Variants in CA2 observed in about 807,000 individuals in gnomAD.
CA2 encodes carbonate dehydratase II.
In CA2, 23 loss-of-function variants were observed where a neutral mutation model predicts 27.8. That is an observed-to-expected ratio of 0.83 (90% CI 0.59 to 1.17). The LOEUF (loss-of-function observed/expected upper bound fraction) is 1.17, where lower values mean the gene tolerates loss of function less well. Ranked by LOEUF, CA2 falls within the 50% of genes most tolerant of loss-of-function variation. The probability of loss-of-function intolerance (pLI) is 0.00; values close to 1 mark genes in which losing one functional copy is unlikely to be tolerated. For synonymous variants in CA2, 99 were observed against 114.9 expected, an observed-to-expected ratio of 0.86 and a Z score of 0.88; for missense variants, 300 against 314.7, an observed-to-expected ratio of 0.95 and a Z score of 0.35.
Position 85,480,903 on chromosome 8 carries a change from C to A in CA2, c.*114C>A. On this transcript the variant is annotated 3_prime_UTR_variant, in exon 7 of 7. Transcript: ENST00000285379. ...GTTGCTTTGTGTCTAGTTTTCTAGA[C>A]CCTTCATCTCTTACTTGATAGACTT... The A allele has an allele frequency of 1.9e-6, 2 of 1,040,882 alleles. No homozygotes were observed. Among genetic ancestry groups the A allele is most frequent in the Non-Finnish European group, 1.5e-6 (1 of 680,516 alleles). The allele number at this position is 1,040,882 out of a possible 1,614,324, so 64.5% of individuals were successfully genotyped here.
chr8:85,471,990 T>A (rs1223629823), intron 2 of CA2, among the ~76,000 whole-genome samples: 2 of 152,192 alleles, frequency 1.3e-5, no homozygotes, highest in Non-Finnish European at 2.9e-5. Context: ...TCTTTCTGTT[T>A]TCATTCTTCC....
rs544559335 is a variant in CA2, at chr8:85,473,958, C to A, written c.351+147C>A. ...GGACCTTCACATTTGCTTTTTATAA[C>A]CTTTAATTGTGACATCATACTTAAC... On this transcript the variant is annotated intron_variant, in intron 3 of 6. Coordinates refer to ENST00000285379, the MANE Select transcript of CA2 (RefSeq NM_000067.3). The A allele has an allele frequency of 4.6e-5, 31 of 670,960 alleles. No individual in the cohort carries two copies. In the East Asian group the frequency reaches 7.3e-4, roughly 16 times the overall value. The allele number at this position is 670,960 out of a possible 1,614,324, so 41.6% of individuals were successfully genotyped here. A position where few individuals can be genotyped will look rare whatever the true frequency, so the allele number is the denominator to read the frequency against.
At chr8:85,479,110 T>G (rs1431409378) in intron 6 of CA2, among the ~76,000 whole-genome samples, 1 of 151,896 alleles carries the variant, frequency 6.6e-6, no homozygotes, top group East Asian at 1.9e-4. Flanking sequence ...TGAGGAAGTA[T>G]GGGGGGGCGT....
chr8:85,472,712 C>T (rs1257127499), intron 2 of CA2, among the ~76,000 whole-genome samples: 3 of 151,938 alleles, frequency 2.0e-5, no homozygotes, highest in East Asian at 3.9e-4. Context: ...AATTTTCGGC[C>T]GGGCACGGTG....
chr8:85,470,100 A>T (rs1811692890), intron 2 of CA2, among the ~76,000 whole-genome samples: 1 of 152,158 alleles, frequency 6.6e-6, no homozygotes, highest in East Asian at 1.9e-4. Context: ...TCACATCAAA[A>T]CAGCTTCTTT....
At chr8:85,469,275 A>G (rs965136927) in intron 2 of CA2, among the ~76,000 whole-genome samples, 7 of 152,110 alleles carry the variant, frequency 4.6e-5, no homozygotes, top group Non-Finnish European at 8.8e-5. Context: ...CTTTGCCTCA[A>G]TGAGATTTCA....
At chr8:85,471,132 A>T (rs1351329878) in intron 2 of CA2, among the ~76,000 whole-genome samples, 2 of 152,152 alleles carry the variant, frequency 1.3e-5, no homozygotes, top group Non-Finnish European at 2.9e-5. Context: ...TCAAATAAAA[A>T]GTTTGAGTTT....
rs1381753869 is a variant in CA2, at chr8:85,464,124, C to G, written c.34+9C>G. 2.0e-6 allele frequency: 3 copies of G among 1,538,016 alleles called. No homozygotes were observed. Among genetic ancestry groups the G allele is most frequent in the South Asian group, 1.2e-5 (1 of 83,052 alleles). ...GTACGGCAAACACAACGGTGAGTGC[C>G]GGCGACGGCCAGCGCGGGGGCGCCC... On this transcript the variant is annotated intron_variant, in intron 1 of 6. Coordinates refer to ENST00000285379, the MANE Select transcript of CA2 (RefSeq NM_000067.3).
rs2172493 is a variant in CA2 at position 85,472,736 on chromosome 8, A to T, written c.233-957A>T. Among the ~76,000 whole-genome samples, 624 of 152,252 alleles carry T rather than the reference A, an allele frequency of 4.1e-3. 2 individuals are homozygous for T. The highest frequency in any genetic ancestry group is 0.014 in the African/African-American group (595 of 41,562). On this transcript the variant is annotated intron_variant, in intron 2 of 6. Transcript: ENST00000285379. ...CCGGGCACGGTGGCTCATGCCTGTA[A>T]TCCCGGCACTTTAGGAGGCCGAGGT... is the stretch of plus-strand genomic sequence containing the variant.
At chr8:85,478,039 CA>C (rs1563435876) in intron 6 of CA2, among the ~76,000 whole-genome samples, 2 of 152,148 alleles carry the variant, frequency 1.3e-5, no homozygotes, top group Non-Finnish European at 2.9e-5. Flanking sequence ...TTTAAACCTA[CA>C]AAAATGCTGA....
Position 85,475,834 on chromosome 8 carries a change from G to A in CA2, c.481G>A (p.Asp161Asn). 6.2e-7 allele frequency: 1 copy of A among 1,614,042 alleles called. No individual in the cohort carries two copies. Among genetic ancestry groups the A allele is most frequent in the Non-Finnish European group, 8.5e-7 (1 of 1,179,964 alleles). ...SAKPGLQKVVDVLDSIKTKGK... is the reference protein window; with the variant it reads ...SAKPGLQKVVNVLDSIKTKGK... ...TAAACCGGGCCTTCAGAAAGTTGTT[G>A]ATGTGCTGGATTCCATTAAAACAAA... Residue 161 changes from aspartate to asparagine, a missense_variant, in exon 5 of 7, where the codon GAT becomes AAT. By Grantham distance (23) the Asp-to-Asn change is conservative. This residue lies in a region of CA2 where 173 missense variants were observed against 161.0 expected (regional missense o/e 1.07). Transcript: ENST00000285379.
chr8:85,465,430 G>A lies in CA2; in HGVS notation c.193G>A (p.Ala65Thr). Residue 65 changes from alanine (A) to threonine (T), a missense_variant, in exon 2 of 7, where the codon GCT becomes ACT. By Grantham distance (58) the Ala-to-Thr change is moderately conservative. Transcript: ENST00000285379. ...CCTGAGGATCCTCAACAATGGTCAT[G>A]CTTTCAACGTGGAGTTTGATGACTC... is the stretch of plus-strand genomic sequence containing the variant. ...TSLRILNNGH[A>T]FNVEFDDSQD... 1 of 1,614,188 alleles carries A rather than the reference G, an allele frequency of 6.2e-7. No homozygotes were observed. The highest frequency in any genetic ancestry group is 8.5e-7 in the Non-Finnish European group (1 of 1,180,020).
At position 85,480,806 on chromosome 8, in the gene CA2, G is replaced by A. The variant is rs140653628; in HGVS notation, c.*17G>A. 1,829 of 1,613,088 alleles carry A rather than the reference G, an allele frequency of 1.1e-3. 2 individuals carry two copies. Among genetic ancestry groups the A allele is most frequent in the Non-Finnish European group, 1.5e-3 (1,723 of 1,179,334 alleles). ...TTCAAATAAGATGGTCCCATAGTCTGTATCCAAATAATGAATCTTCGGGTG... is the reference window on the plus strand; with the variant it reads ...TTCAAATAAGATGGTCCCATAGTCTATATCCAAATAATGAATCTTCGGGTG... On this transcript the variant is annotated 3_prime_UTR_variant, in exon 7 of 7. Coordinates refer to ENST00000285379, the MANE Select transcript of CA2 (RefSeq NM_000067.3).
chr8:85,466,683 C>T (rs1001418783), intron 2 of CA2, among the ~76,000 whole-genome samples: 7 of 136,836 alleles, frequency 5.1e-5, no homozygotes, highest in African/African-American at 1.9e-4. Context: ...CATACATACA[C>T]ACACACACAC....
intron 2 of CA2, 39 bp downstream of exon 2, chr8:85,465,508 A>G: frequency 1.3e-6 from 2 of 1,545,554 alleles, no homozygotes; most frequent in Non-Finnish European, 1.8e-6. Context: ...TTTAGCCAGT[A>G]GCTGTTTTCC....
intron 2 of CA2, among the ~76,000 whole-genome samples, chr8:85,470,242 C>T (rs1371966791): frequency 6.6e-6 from 1 of 152,072 alleles, no homozygotes; most frequent in African/African-American, 2.4e-5. Context: ...TATTTTTTCC[C>T]CCCAGATTTG....
intron 2 of CA2, among the ~76,000 whole-genome samples, chr8:85,469,870 CATTGTCTGTATGACG>C (rs1375960270): frequency 5.3e-5 from 8 of 152,084 alleles, no homozygotes; most frequent in Non-Finnish European, 8.8e-5. Context: ...TTAAGTGACC[CATTGTCTGTATGACG>C]TAATGGATCT....
In CA2 at chr8:85,464,042, C is replaced by T. The variant is rs1478698457; in HGVS notation, c.-40C>T. ...GGCGCCCAAGCCGCCGCCGCCAGAT[C>T]GGTGCCGATTCCTGCCCTGCCCCGA... On this transcript the variant is annotated 5_prime_UTR_variant, in exon 1 of 7. Coordinates refer to ENST00000285379, the MANE Select transcript of CA2 (RefSeq NM_000067.3). 7.8e-6 allele frequency: 12 copies of T among 1,540,156 alleles called. No individual in the cohort carries two copies. In the East Asian group the frequency reaches 1.5e-4, roughly 19 times the overall value.
At chr8:85,470,744 G>C (rs1337994425) in intron 2 of CA2, among the ~76,000 whole-genome samples, 1 of 151,710 alleles carries the variant, frequency 6.6e-6, no homozygotes, top group Non-Finnish European at 1.5e-5. Context: ...ATGTATAATT[G>C]ATGACAATCA....
Sources: gnomAD v4.1 joint callset for allele counts (sites outside exome capture counted in the v4.1 genomes callset) on GRCh38, gnomAD v4.1.1 for gene constraint, gnomAD v4.1.1 regional missense constraint, MANE v1.5 for transcripts, NCBI Gene and HGNC (gene_info 2026-07-23, HGNC 2026-07-21) for gene names.